Variants in DPP10 observed in about 807,000 individuals in gnomAD.
The protein encoded by DPP10 is dipeptidyl peptidase like 10, also known as inactive dipeptidyl peptidase 10.
In DPP10, 33 loss-of-function variants were observed where a neutral mutation model predicts 120.9. The observed-to-expected ratio is 0.27, with a 90% CI of 0.21 to 0.37. DPP10 has a LOEUF of 0.37. Ranked by LOEUF, DPP10 falls within the 10% of genes least tolerant of loss-of-function variation. The probability of loss-of-function intolerance (pLI) is 1.00; values close to 1 mark genes in which losing one functional copy is unlikely to be tolerated. For synonymous variants in DPP10, 337 were observed against 326.1 expected, an observed-to-expected ratio of 1.03 and a Z score of -0.36; for missense variants, 816 against 942.8, an observed-to-expected ratio of 0.87 and a Z score of 1.76.
intron 1 of DPP10, among the ~76,000 whole-genome samples, chr2:114,509,995 T>C (rs777837715): frequency 9.2e-5 from 14 of 151,646 alleles, no homozygotes; most frequent in Admixed American, 3.9e-4. Flanking sequence ...GGGAAAGACT[T>C]CATGGACAGA....
chr2:114,759,937 A>G (rs1460206890), intron 1 of DPP10, among the ~76,000 whole-genome samples: 1 of 152,214 alleles, frequency 6.6e-6, no homozygotes, highest in Non-Finnish European at 1.5e-5. Flanking sequence ...ATTTGGAATC[A>G]GTTATATGGA....
chr2:114,951,709 A>G (rs1697800899), intron 1 of DPP10, among the ~76,000 whole-genome samples: 1 of 152,114 alleles, frequency 6.6e-6, no homozygotes, highest in Non-Finnish European at 1.5e-5. Flanking sequence ...TTCTTATCTG[A>G]ATGAATATCA....
intron 1 of DPP10, among the ~76,000 whole-genome samples, chr2:114,881,756 G>GT (rs1558839332): frequency 6.6e-6 from 1 of 152,104 alleles, no homozygotes; most frequent in Non-Finnish European, 1.5e-5. Context: ...GAAACAAGTT[G>GT]TTTGCATCAT....
intron 1 of DPP10, among the ~76,000 whole-genome samples, chr2:114,586,694 C>T (rs1173593868): frequency 6.6e-6 from 1 of 152,070 alleles, no homozygotes; most frequent in East Asian, 1.9e-4. Flanking sequence ...GGAGGTGGGG[C>T]CTGGTGAGAG....
chr2:115,188,780 C>T (rs1573944872), intron 1 of DPP10, among the ~76,000 whole-genome samples: 1 of 152,028 alleles, frequency 6.6e-6, no homozygotes, highest in African/African-American at 2.4e-5. Flanking sequence ...TACTTTTACC[C>T]CTTGACCCAG....
chr2:114,665,535 C>G (rs558023560), intron 1 of DPP10, among the ~76,000 whole-genome samples: 1 of 150,186 alleles, frequency 6.7e-6, no homozygotes, highest in East Asian at 2.0e-4. Context: ...TCTTCACATT[C>G]GTCAAAGGAG....
At chr2:115,390,102 C>G (rs1307421744) in intron 3 of DPP10, among the ~76,000 whole-genome samples, 1 of 152,142 alleles carries the variant, frequency 6.6e-6, no homozygotes, top group Non-Finnish European at 1.5e-5. Flanking sequence ...GCCTCGTCAG[C>G]TCTTATTACA....
chr2:115,486,151 C>A (rs2075763851), intron 3 of DPP10, among the ~76,000 whole-genome samples: 1 of 152,040 alleles, frequency 6.6e-6, no homozygotes, highest in African/African-American at 2.4e-5. Flanking sequence ...AAATTATTGT[C>A]TTTGACCCAT....
intron 1 of DPP10, among the ~76,000 whole-genome samples, chr2:114,491,171 A>G (rs1681966059): frequency 6.6e-6 from 1 of 152,204 alleles, no homozygotes; most frequent in Non-Finnish European, 1.5e-5. Flanking sequence ...ATTTAAAATT[A>G]TCTTTGATTC....
chr2:115,638,767 A>G (rs2086551450), intron 5 of DPP10, among the ~76,000 whole-genome samples: 1 of 152,184 alleles, frequency 6.6e-6, no homozygotes, highest in Non-Finnish European at 1.5e-5. Flanking sequence ...GTATGTATCC[A>G]TGGGATTTTG....
At chr2:114,549,692 GAGAAAT>G (rs1413872887) in intron 1 of DPP10, among the ~76,000 whole-genome samples, 30 of 69,508 alleles carry the variant, frequency 4.3e-4, no homozygotes, top group East Asian at 8.7e-4. Flanking sequence ...AAAAGAGAGA[GAGAAAT>G]AAATAAAAAA....
intron 1 of DPP10, among the ~76,000 whole-genome samples, chr2:114,717,175 A>G (rs771040722): frequency 6.6e-6 from 1 of 152,164 alleles, no homozygotes; most frequent in African/African-American, 2.4e-5. Context: ...CCATTAGGAG[A>G]CGACTTTGCA....
intron 1 of DPP10, among the ~76,000 whole-genome samples, chr2:115,088,908 A>C (rs1263390150): frequency 6.6e-6 from 1 of 152,068 alleles, no homozygotes; most frequent in Non-Finnish European, 1.5e-5. Flanking sequence ...TAGGAAAAAA[A>C]CTTCTTAATT....
At chr2:114,954,175 G>A (rs1698026397) in intron 1 of DPP10, among the ~76,000 whole-genome samples, 1 of 144,494 alleles carries the variant, frequency 6.9e-6, no homozygotes, top group Admixed American at 7.2e-5. Context: ...CCGCCTCCCA[G>A]GTTCTTGCCA....
At chr2:115,116,362 A>G (rs888194734) in intron 1 of DPP10, among the ~76,000 whole-genome samples, 10 of 152,128 alleles carry the variant, frequency 6.6e-5, no homozygotes, top group Admixed American at 3.9e-4. Context: ...CTATCTTTAT[A>G]TCTATATTTT....
chr2:114,915,542 A>G (rs1457452747), intron 1 of DPP10, among the ~76,000 whole-genome samples: 1 of 152,238 alleles, frequency 6.6e-6, no homozygotes, highest in Non-Finnish European at 1.5e-5. Flanking sequence ...AACATAATAT[A>G]CATTCTCATC....
intron 1 of DPP10, among the ~76,000 whole-genome samples, chr2:115,133,716 A>C (rs1480855502): frequency 6.6e-6 from 1 of 152,136 alleles, no homozygotes; most frequent in Non-Finnish European, 1.5e-5. Context: ...AGCTGTTTTC[A>C]TTATAACAAT....
rs372674378 is a variant in DPP10 at position 115,759,161 on chromosome 2, C to T, written c.1075-3411C>T. On this transcript the variant is annotated intron_variant, in intron 11 of 25. Transcript: ENST00000410059. The stretch of plus-strand genomic sequence containing the variant: ...GCCAAATGGGTATCAGACAAAAACA[C>T]ATATAAAGAAATTCTATAACTCAAT... Among the ~76,000 whole-genome samples, 11 of 152,142 alleles carry T rather than the reference C, an allele frequency of 7.2e-5. 1 individual carries two copies. The East Asian group carries it at 1.2e-3, about 16-fold the overall frequency.
intron 1 of DPP10, among the ~76,000 whole-genome samples, chr2:115,261,194 C>G (rs1019070065): frequency 1.1e-4 from 16 of 152,324 alleles, no homozygotes; most frequent in Middle Eastern, 3.4e-3. Context: ...TAACTTGCAT[C>G]ATGGAATCCG....
Sources: gnomAD v4.1 joint callset for allele counts (sites outside exome capture counted in the v4.1 genomes callset) on GRCh38, gnomAD v4.1.1 for gene constraint, MANE v1.5 for transcripts, NCBI Gene and HGNC (gene_info 2026-07-23, HGNC 2026-07-21) for gene names.